Variants in TRHDE observed in about 807,000 individuals in gnomAD.
The protein encoded by TRHDE is thyrotropin-releasing hormone-degrading ectoenzyme.
A neutral mutation model predicts 125.7 loss-of-function variants in TRHDE; 72 were observed. That is an observed-to-expected ratio of 0.57 (90% CI 0.47 to 0.70). The LOEUF is 0.70. Ranked by LOEUF, TRHDE falls within the 30% of genes least tolerant of loss-of-function variation. The pLI is 0.00. For missense variants in TRHDE, 1,110 were observed against 1,327.1 expected (o/e 0.84, Z 2.54); for synonymous variants, 509 against 509.1 (o/e 1.00, Z 0.00).
chr12:72,412,863 A>G (rs1329061293), intron 3 of TRHDE, among the ~76,000 whole-genome samples: 1 of 152,000 alleles, frequency 6.6e-6, no homozygotes, highest in East Asian at 1.9e-4. Flanking sequence ...AGTTTGGGGG[A>G]TGCATAACTA....
chr12:72,416,339 TG>T (rs1873729324), intron 3 of TRHDE, among the ~76,000 whole-genome samples: 1 of 152,120 alleles, frequency 6.6e-6, no homozygotes, highest in African/African-American at 2.4e-5. Flanking sequence ...TCTCCCATTC[TG>T]TGCGTTGTCT....
intron 3 of TRHDE, among the ~76,000 whole-genome samples, chr12:72,445,143 G>A (rs568809220): frequency 4.0e-5 from 6 of 151,732 alleles, no homozygotes; most frequent in African/African-American, 1.2e-4. Context: ...CAGACATTGA[G>A]CATGTTGTGT....
intron 2 of TRHDE, among the ~76,000 whole-genome samples, chr12:72,240,609 A>T (rs963138839): frequency 3.3e-5 from 5 of 151,176 alleles, no homozygotes; most frequent in African/African-American, 1.2e-4. Context: ...TCACTTTGTC[A>T]CCCAGGCTGG....
At chr12:72,364,164 A>C (rs1367184169) in intron 2 of TRHDE, among the ~76,000 whole-genome samples, 1 of 152,094 alleles carries the variant, frequency 6.6e-6, no homozygotes, top group Non-Finnish European at 1.5e-5. Context: ...CATGGGTAGG[A>C]ATAATCAATA....
chr12:72,656,477 C>A (rs372170690), intron 17 of TRHDE, among the ~76,000 whole-genome samples: 81 of 152,208 alleles, frequency 5.3e-4, no homozygotes, highest in African/African-American at 1.9e-3. Context: ...ATGCCAGTGT[C>A]AATTATGACT....
chr12:72,353,672 C>CGT (rs1870685396), intron 2 of TRHDE, among the ~76,000 whole-genome samples: 4 of 150,908 alleles, frequency 2.7e-5, no homozygotes, highest in Non-Finnish European at 5.9e-5. Context: ...GAACCACTTA[C>CGT]GTGTATATGG....
At chr12:72,225,151 C>T (rs565064440) in intron 2 of TRHDE, among the ~76,000 whole-genome samples, 2 of 152,120 alleles carry the variant, frequency 1.3e-5, no homozygotes, top group South Asian at 4.1e-4. Flanking sequence ...TGTAATTGAC[C>T]AACTGTCAGG....
At chr12:72,429,482 A>G (rs1209193966) in intron 3 of TRHDE, among the ~76,000 whole-genome samples, 1 of 151,918 alleles carries the variant, frequency 6.6e-6, no homozygotes, top group African/African-American at 2.4e-5. Context: ...TAATGCTGCT[A>G]TGAATATTCA....
At chr12:72,201,302 CTTA>C (rs1877554702) in intron 2 of TRHDE, among the ~76,000 whole-genome samples, 2 of 151,946 alleles carry the variant, frequency 1.3e-5, no homozygotes, top group Non-Finnish European at 2.9e-5. Flanking sequence ...ATAGCTTATA[CTTA>C]TTATAGATTT....
intron 2 of TRHDE, among the ~76,000 whole-genome samples, chr12:72,252,643 AT>A (rs1878710744): frequency 6.6e-6 from 1 of 152,092 alleles, no homozygotes; most frequent in South Asian, 2.1e-4. Flanking sequence ...TTTCATATAA[AT>A]TTTAGAATAG....
In TRHDE at chr12:72,574,244, A is replaced by T. The variant is rs138293772; in HGVS notation, c.2132-1011A>T. On this transcript the variant is annotated intron_variant, in intron 10 of 18. Transcript: ENST00000261180. ...TGTGTAAAAACTTTGACATTGGAGT[A>T]AGAACTAGAGATGTATCCCTACTCA... is the stretch of plus-strand genomic sequence containing the variant. Among the ~76,000 whole-genome samples, 317 of 152,174 alleles carry T rather than the reference A, an allele frequency of 2.1e-3. 1 individual carries two copies. Among genetic ancestry groups the T allele is most frequent in the African/African-American group, 6.7e-3 (277 of 41,554 alleles).
At chr12:72,188,632 C>T (rs1005320980) in intron 2 of TRHDE, among the ~76,000 whole-genome samples, 3 of 152,196 alleles carry the variant, frequency 2.0e-5, no homozygotes, top group Non-Finnish European at 2.9e-5. Flanking sequence ...GCCTTAGCTC[C>T]TGCTGATGTT....
chr12:72,533,723 G>GTTTTTTTTTTTTTTTCTTTT, intron 6 of TRHDE, among the ~76,000 whole-genome samples: 1 of 97,898 alleles, frequency 1.0e-5, no homozygotes, highest in Non-Finnish European at 2.3e-5. Flanking sequence ...TTTTCTATTT[G>GTTTTTTTTTTTTTTTCTTTT]TTTTTTTTTT....
In TRHDE at chr12:72,665,162, T is replaced by C. The variant is rs1875068857; in HGVS notation, c.*1967T>C. On this transcript the variant is annotated 3_prime_UTR_variant, in exon 19 of 19. Coordinates refer to ENST00000261180, the MANE Select transcript of TRHDE (RefSeq NM_013381.3). Reference sequence around the variant, plus strand: ...ATGTGGTCTATCACCACTGAATTCATGTAATAGATAAGAAAAAAATTAGAG... The same window carrying C: ...ATGTGGTCTATCACCACTGAATTCACGTAATAGATAAGAAAAAAATTAGAG... 1 of 152,060 alleles carries C rather than the reference T, an allele frequency of 6.6e-6. No homozygotes were observed. Among genetic ancestry groups the C allele is most frequent in the South Asian group, 2.1e-4 (1 of 4,836 alleles). 9.4% of individuals were successfully genotyped at this position (152,060 alleles called of 1,614,324 possible).
intron 2 of TRHDE, among the ~76,000 whole-genome samples, chr12:72,167,978 G>T (rs1031460338): frequency 2.6e-5 from 4 of 152,140 alleles, no homozygotes; most frequent in Non-Finnish European, 4.4e-5. Flanking sequence ...TCCTATATTG[G>T]TGGGCATAAT....
chr12:72,119,723 G>C (rs1438602212), intron 2 of TRHDE, among the ~76,000 whole-genome samples: 1 of 152,024 alleles, frequency 6.6e-6, no homozygotes, highest in Non-Finnish European at 1.5e-5. Context: ...CCACTGTTGG[G>C]TACATATATA....
rs570243918 is a variant in TRHDE at position 72,456,796 on chromosome 12, A to G, written c.1316-12962A>G. Among the ~76,000 whole-genome samples the G allele has an allele frequency of 8.5e-5, 13 of 152,300 alleles. No homozygotes were observed. In the South Asian group the frequency reaches 2.7e-3, roughly 32 times the overall value. ...TATAACTTAGTGATTCACATTAGAT[A>G]CTGGAGCTTGGAGAGGTAAAGGATT... is the stretch of plus-strand genomic sequence containing the variant. On this transcript the variant is annotated intron_variant, in intron 3 of 18. Transcript: ENST00000261180.
At position 72,621,174 on chromosome 12, in the gene TRHDE, G is replaced by A; in HGVS notation, c.2536G>A (p.Gly846Arg). Residue 846 changes from glycine (G) to arginine (R), a missense_variant, in exon 14 of 19, where the codon GGA becomes AGA. By Grantham distance (125) the Gly-to-Arg change is moderately radical (BLOSUM62 -2). Around this residue, in one of 5 missense-constraint regions of TRHDE, gnomAD observed 527 missense variants for 651.8 expected, o/e 0.81. Coordinates refer to ENST00000261180, the MANE Select transcript of TRHDE (RefSeq NM_013381.3). ...KLGWPKNNFNGSLVQASYQHE... is the reference protein window; with the variant it reads ...KLGWPKNNFNRSLVQASYQHE... ...TGGGTGGCCGAAAAATAATTTTAATGGATCTCTTGTTCAAGCATCCTACCA... is the reference window on the plus strand; with the variant it reads ...TGGGTGGCCGAAAAATAATTTTAATAGATCTCTTGTTCAAGCATCCTACCA... 1.9e-6 allele frequency: 3 copies of A among 1,612,074 alleles called. No homozygotes were observed. The highest frequency in any genetic ancestry group is 2.5e-6 in the Non-Finnish European group (3 of 1,178,700).
intron 2 of TRHDE, among the ~76,000 whole-genome samples, chr12:72,212,921 A>G (rs1260091408): frequency 6.6e-6 from 1 of 152,152 alleles, no homozygotes; most frequent in East Asian, 1.9e-4. Flanking sequence ...TCAAAAAGTA[A>G]AAACAATTCA....
Sources: gnomAD v4.1 joint callset for allele counts (sites outside exome capture counted in the v4.1 genomes callset) on GRCh38, gnomAD v4.1.1 for gene constraint, gnomAD v4.1.1 regional missense constraint, MANE v1.5 for transcripts, NCBI Gene and HGNC (gene_info 2026-07-23, HGNC 2026-07-21) for gene names.